Variants in TULP4 observed in about 807,000 individuals in gnomAD.
TULP4 encodes the protein tubby-related protein 4.
TULP4 carries 16 observed loss-of-function variants against 129.0 expected under a neutral mutation model. That is an observed-to-expected ratio of 0.12 (90% confidence interval 0.08 to 0.19). TULP4 has a LOEUF of 0.19. Ranked by LOEUF, TULP4 falls within the 10% of genes least tolerant of loss-of-function variation. The probability of loss-of-function intolerance (pLI) is 1.00; values close to 1 mark genes in which losing one functional copy is unlikely to be tolerated. For synonymous variants in TULP4, 998 were observed against 854.0 expected (o/e 1.17, Z -2.94); for missense variants, 1,842 against 2,059.1 (o/e 0.89, Z 2.04).
intron 1 of TULP4, among the ~76,000 whole-genome samples, chr6:158,272,693 A>G (rs1583693888): frequency 6.6e-6 from 1 of 152,206 alleles, no homozygotes; most frequent in Admixed American, 6.5e-5. Flanking sequence ...GTAGTCATTG[A>G]CAGACCCAAG....
At chr6:158,444,152 A>G (rs827957) in intron 3 of TULP4, among the ~76,000 whole-genome samples, 129,737 of 146,508 alleles carry the variant, frequency 0.89, 57,892 homozygotes, top group African/African-American at 0.97. Flanking sequence ...CCTGGGAGGC[A>G]GAGGTTGCAG....
At chr6:158,367,527 T>A (rs1248762227) in intron 1 of TULP4, among the ~76,000 whole-genome samples, 1 of 152,180 alleles carries the variant, frequency 6.6e-6, no homozygotes, top group Non-Finnish European at 1.5e-5. Flanking sequence ...AAGTGCAGAA[T>A]CTGTTTTCAA....
intron 1 of TULP4, among the ~76,000 whole-genome samples, chr6:158,361,022 A>G (rs576527574): frequency 1.6e-4 from 24 of 151,954 alleles, no homozygotes; most frequent in African/African-American, 5.8e-4. Flanking sequence ...GTGCTAACCA[A>G]TTTTTTTCCA....
At chr6:158,421,722 G>C (rs1778347188) in intron 2 of TULP4, among the ~76,000 whole-genome samples, 1 of 152,128 alleles carries the variant, frequency 6.6e-6, no homozygotes, top group African/African-American at 2.4e-5. Flanking sequence ...CAGCTTTGTA[G>C]GGCCATTTCA....
At chr6:158,458,913 A>G (rs1389040274) in intron 5 of TULP4, among the ~76,000 whole-genome samples, 3 of 152,194 alleles carry the variant, frequency 2.0e-5, no homozygotes, top group Non-Finnish European at 4.4e-5. Flanking sequence ...ACTTTATGAG[A>G]TAGCCTGTGT....
At chr6:158,240,849 A>AC (rs1291889496) in intron 1 of TULP4, among the ~76,000 whole-genome samples, 22 of 123,374 alleles carry the variant, frequency 1.8e-4, no homozygotes, top group Non-Finnish European at 2.9e-4. Context: ...GGGGGGGCTG[A>AC]CCCCCCACCT....
At chr6:158,422,223 T>C (rs910914475) in intron 2 of TULP4, among the ~76,000 whole-genome samples, 2 of 152,134 alleles carry the variant, frequency 1.3e-5, no homozygotes, top group African/African-American at 4.8e-5. Context: ...AATAGACAGA[T>C]GTCTTGCAAA....
At chr6:158,499,410 C>T (rs897768718) in intron 12 of TULP4, among the ~76,000 whole-genome samples, 2 of 152,178 alleles carry the variant, frequency 1.3e-5, no homozygotes, top group African/African-American at 4.8e-5. Context: ...TTCCAGTTTT[C>T]AAATGGTAAA....
At chr6:158,304,943 G>A (rs547804493) in intron 1 of TULP4, among the ~76,000 whole-genome samples, 7 of 152,178 alleles carry the variant, frequency 4.6e-5, no homozygotes, top group Admixed American at 1.3e-4. Flanking sequence ...TTGGGATTAT[G>A]GGTGTGAGCC....
intron 1 of TULP4, among the ~76,000 whole-genome samples, chr6:158,406,994 C>T (rs1777989426): frequency 6.6e-6 from 1 of 152,192 alleles, no homozygotes; most frequent in African/African-American, 2.4e-5. Flanking sequence ...TTCTGAGTTC[C>T]TGTATTATCT....
chr6:158,251,158 C>G (rs1247893772), intron 1 of TULP4, among the ~76,000 whole-genome samples: 2 of 152,122 alleles, frequency 1.3e-5, no homozygotes, highest in African/African-American at 4.8e-5. Context: ...TCCGCCTGGC[C>G]TTAAGTACTG....
At chr6:158,289,850 G>C (rs945261374) in intron 1 of TULP4, among the ~76,000 whole-genome samples, 1 of 151,796 alleles carries the variant, frequency 6.6e-6, no homozygotes, top group Non-Finnish European at 1.5e-5. Context: ...TAAAGTGTTG[G>C]GATTGCACAT....
rs573591251 is a variant in TULP4, at chr6:158,464,711, T to C, written c.1026+2982T>C. On this transcript the variant is annotated intron_variant, in intron 6 of 13. Transcript: ENST00000367097. The stretch of plus-strand genomic sequence containing the variant: ...ACTGCGCCTGGCCCCAAGGTTCTTG[T>C]TATGCAGATGAAACTACTTAAGTAG... Among the ~76,000 whole-genome samples, 4 of 152,290 alleles carry C rather than the reference T, an allele frequency of 2.6e-5. No individual in the cohort carries two copies. In the South Asian group the frequency reaches 8.3e-4, roughly 32 times the overall value.
intron 3 of TULP4, among the ~76,000 whole-genome samples, chr6:158,431,667 C>T (rs903317460): frequency 2.6e-5 from 4 of 152,070 alleles, no homozygotes; most frequent in Admixed American, 6.5e-5. Context: ...ATCTGGGGTA[C>T]GTTGTTCCAG....
At chr6:158,284,391 C>T (rs1778804082) in intron 1 of TULP4, among the ~76,000 whole-genome samples, 1 of 152,206 alleles carries the variant, frequency 6.6e-6, no homozygotes, top group African/African-American at 2.4e-5. Context: ...CCCAGGGCTG[C>T]TTGGCAGAAA....
At chr6:158,343,587 G>A (rs933710485) in intron 1 of TULP4, among the ~76,000 whole-genome samples, 2 of 152,068 alleles carry the variant, frequency 1.3e-5, no homozygotes, top group African/African-American at 4.8e-5. Flanking sequence ...CAAGGAGAAG[G>A]TGGCCACCTG....
intron 1 of TULP4, among the ~76,000 whole-genome samples, chr6:158,375,289 A>G (rs937529971): frequency 6.6e-6 from 1 of 152,202 alleles, no homozygotes; most frequent in Non-Finnish European, 1.5e-5. Flanking sequence ...TTTTTAATTT[A>G]GTATGTTCTT....
chr6:158,475,354 C>T (rs891025543), intron 6 of TULP4, among the ~76,000 whole-genome samples: 3 of 152,240 alleles, frequency 2.0e-5, no homozygotes, highest in Admixed American at 6.5e-5. Context: ...AAATGCAGCT[C>T]AGTTTCTTGC....
intron 3 of TULP4, among the ~76,000 whole-genome samples, chr6:158,441,327 G>A (rs1778893487): frequency 6.6e-6 from 1 of 152,090 alleles, no homozygotes; most frequent in South Asian, 2.1e-4. Context: ...AAAATATTAG[G>A]TTAAGAATAA....
Sources: allele counts gnomAD v4.1 joint callset (sites outside exome capture counted in the v4.1 genomes callset), GRCh38; gene constraint gnomAD v4.1.1; transcripts MANE v1.5; gene names NCBI Gene and HGNC (gene_info 2026-07-23, HGNC 2026-07-21).